RRAGD: variants seen among roughly 807,000 people sequenced by gnomAD.
RRAGD encodes the protein ras-related GTP-binding protein D.
In RRAGD, 12 loss-of-function variants were observed where a neutral mutation model predicts 35.5. That is an observed-to-expected ratio of 0.34 (90% CI 0.22 to 0.55). The LOEUF (loss-of-function observed/expected upper bound fraction) is 0.55. RRAGD is among the 20% of genes least tolerant of loss of function. The pLI is 0.91. For missense variants in RRAGD, 324 were observed against 490.1 expected, an observed-to-expected ratio of 0.66 and a Z score of 3.20; for synonymous variants, 155 against 178.9, an observed-to-expected ratio of 0.87 and a Z score of 1.07.
chr6:89,411,883 G>A lies in RRAGD; in HGVS notation c.111C>T (p.Ser37=). 1.3e-6 allele frequency: 2 copies of A among 1,548,118 alleles called. No individual in the cohort carries two copies. Among genetic ancestry groups the A allele is most frequent in the Non-Finnish European group, 8.7e-7 (1 of 1,149,060 alleles). The stretch of plus-strand genomic sequence containing the variant: ...TGCCGCTGTCCGGATCGGCGTCGGA[G>A]GAGTCGGGCCCGTCTCCGTAGTCCG... ...GLADYGDGPD[S]SDADPDSGTE... Residue 37 remains serine, a synonymous_variant, in exon 1 of 7, where the codon TCC becomes TCT. Transcript: ENST00000369415. This position sits in a 1 kb window ranked among gnomAD's most constrained non-coding sequence, Gnocchi z 5.6.
Position 89,403,699 on chromosome 6 carries a change from A to G in RRAGD, c.148+8147T>C, listed in dbSNP as rs139457158. Among the ~76,000 whole-genome samples the G allele has an allele frequency of 1.3e-3, 196 of 149,226 alleles. 1 individual carries two copies. The highest frequency in any genetic ancestry group is 4.7e-3 in the African/African-American group (191 of 40,306). On this transcript the variant is annotated intron_variant, in intron 1 of 6. Coordinates refer to ENST00000369415, the MANE Select transcript of RRAGD (RefSeq NM_021244.5). Reference sequence around the variant, plus strand: ...AGGCTGGAGCTCAGTGAGTGGCTCAATCATAGCTCACTGCAGCCTCAAACT... The same window carrying G: ...AGGCTGGAGCTCAGTGAGTGGCTCAGTCATAGCTCACTGCAGCCTCAAACT...
intron 1 of RRAGD, among the ~76,000 whole-genome samples, chr6:89,391,882 A>C (rs1341954743): frequency 6.7e-6 from 1 of 150,110 alleles, no homozygotes; most frequent in Non-Finnish European, 1.5e-5. Flanking sequence ...CCTTGAGCCC[A>C]GGAGGTTGAG....
chr6:89,403,549 C>CA (rs1769518926), intron 1 of RRAGD, among the ~76,000 whole-genome samples: 1 of 151,352 alleles, frequency 6.6e-6, no homozygotes. Context: ...TATAAGGCAA[C>CA]AAAGTGTTCT....
chr6:89,406,152 T>C (rs1394293437), intron 1 of RRAGD, among the ~76,000 whole-genome samples: 1 of 152,072 alleles, frequency 6.6e-6, no homozygotes, highest in East Asian at 1.9e-4. Context: ...CATATGAATA[T>C]TTCCTTAACA....
At chr6:89,401,616 C>T (rs1452934411) in intron 1 of RRAGD, among the ~76,000 whole-genome samples, 1 of 151,178 alleles carries the variant, frequency 6.6e-6, no homozygotes, top group East Asian at 1.9e-4. Flanking sequence ...ATGCCTGTTT[C>T]ATCTTCTCCA....
Position 89,412,007 on chromosome 6 carries a change from C to T in RRAGD, c.-14G>A. 6.6e-7 allele frequency: 1 copy of T among 1,523,870 alleles called. No homozygotes were observed. The highest frequency in any genetic ancestry group is 8.8e-7 in the Non-Finnish European group (1 of 1,140,686). The allele number at this position is 1,523,870 out of a possible 1,614,324, so 94.4% of individuals were successfully genotyped here. On this transcript the variant is annotated 5_prime_UTR_variant, in exon 1 of 7. Coordinates refer to ENST00000369415, the MANE Select transcript of RRAGD (RefSeq NM_021244.5). This position sits in a 1 kb window ranked among gnomAD's most constrained non-coding sequence, Gnocchi z 4.2. ...CACCTGGCTCATCGTGCCCACCGGC[C>T]GGCCGGCCCGGGGACGGCGGGGGTC...
At chr6:89,409,376 G>T (rs1179968819) in intron 1 of RRAGD, among the ~76,000 whole-genome samples, 1 of 152,174 alleles carries the variant, frequency 6.6e-6, no homozygotes, top group Non-Finnish European at 1.5e-5. Flanking sequence ...TCCACTAAGT[G>T]CAGGCACTAA....
intron 2 of RRAGD, among the ~76,000 whole-genome samples, chr6:89,385,739 C>G (rs937468023): frequency 2.0e-5 from 3 of 152,146 alleles, no homozygotes; most frequent in Non-Finnish European, 2.9e-5. Context: ...CTCCACACCC[C>G]TACCAAAAAG....
At chr6:89,396,235 AAGAC>A (rs1412983952) in intron 1 of RRAGD, among the ~76,000 whole-genome samples, 1 of 152,136 alleles carries the variant, frequency 6.6e-6, no homozygotes, top group African/African-American at 2.4e-5. Context: ...TGGGACTTAA[AAGAC>A]AGCAGCAACT....
At chr6:89,403,795 C>G (rs112746111) in intron 1 of RRAGD, among the ~76,000 whole-genome samples, 6,848 of 151,878 alleles carry the variant, frequency 0.045, 242 homozygotes, top group Non-Finnish European at 0.069. Context: ...CCACCTCCAC[C>G]ACACCTAGCT....
chr6:89,391,828 G>A lies in RRAGD; in HGVS notation c.149-4238C>T, dbSNP rs539739116. Among the ~76,000 whole-genome samples, 35 of 151,794 alleles carry A rather than the reference G, an allele frequency of 2.3e-4. No homozygotes were observed. In the South Asian group the frequency reaches 6.5e-3, roughly 28 times the overall value. On this transcript the variant is annotated intron_variant, in intron 1 of 6. Coordinates refer to ENST00000369415, the MANE Select transcript of RRAGD (RefSeq NM_021244.5). ...AAAAATTAGCCAGGTGTGGTGGCAC[G>A]CACCTGTAGTCCCAGCTACTCTAAG... is the stretch of plus-strand genomic sequence containing the variant.
rs77583630 is a variant in RRAGD, at chr6:89,392,047, T to C, written c.149-4457A>G. On this transcript the variant is annotated intron_variant, in intron 1 of 6. Coordinates refer to ENST00000369415, the MANE Select transcript of RRAGD (RefSeq NM_021244.5). The stretch of plus-strand genomic sequence containing the variant: ...TACTAAAATCCATTGAGCTCTGTAC[T>C]TTAAAAGAGCAAATACTATGGTATA... Among the ~76,000 whole-genome samples, 15 of 152,250 alleles carry C rather than the reference T, an allele frequency of 9.9e-5. No homozygotes were observed. In the East Asian group the frequency reaches 2.9e-3, roughly 29 times the overall value.
intron 1 of RRAGD, among the ~76,000 whole-genome samples, chr6:89,408,433 T>G (rs1467831161): frequency 6.6e-6 from 1 of 152,184 alleles, no homozygotes; most frequent in Non-Finnish European, 1.5e-5. Flanking sequence ...GCAGGAAGAT[T>G]GCTTGAGCCC....
chr6:89,372,555 A>G lies in RRAGD; in HGVS notation c.933T>C (p.Tyr311=). Residue 311 remains tyrosine, a synonymous_variant, in exon 6 of 7, where the codon TAT becomes TAC. Coordinates refer to ENST00000369415, the MANE Select transcript of RRAGD (RefSeq NM_021244.5). The stretch of plus-strand genomic sequence containing the variant: ...TTATGATGGCTGTGGATTCCTTGTC[A>G]TAGGGGGTTCCTGCTCCATCTTCTT... ...GLKEDGAGTP[Y]DKESTAIIKL... The G allele has an allele frequency of 6.4e-7, 1 of 1,569,662 alleles. No individual in the cohort carries two copies. The highest frequency in any genetic ancestry group is 8.6e-7 in the Non-Finnish European group (1 of 1,161,806).
intron 1 of RRAGD, among the ~76,000 whole-genome samples, chr6:89,391,366 C>T (rs1769229637): frequency 6.8e-6 from 1 of 146,880 alleles, no homozygotes. Flanking sequence ...GTTTGGGTGA[C>T]AGAGTGAGAC....
chr6:89,399,934 C>T (rs1769425103), intron 1 of RRAGD, among the ~76,000 whole-genome samples: 1 of 152,030 alleles, frequency 6.6e-6, no homozygotes, highest in African/African-American at 2.4e-5. Flanking sequence ...ACTTCACCGG[C>T]CCAGTGAGGG....
At chr6:89,407,238 G>C (rs904616021) in intron 1 of RRAGD, among the ~76,000 whole-genome samples, 1 of 152,130 alleles carries the variant, frequency 6.6e-6, no homozygotes, top group Non-Finnish European at 1.5e-5. Context: ...GCAGAACCAG[G>C]AAAGGCCATC....
At chr6:89,395,690 T>C (rs569293083) in intron 1 of RRAGD, among the ~76,000 whole-genome samples, 11 of 152,330 alleles carry the variant, frequency 7.2e-5, no homozygotes, top group South Asian at 2.1e-4. Flanking sequence ...AATAAATATG[T>C]GGGTTAATGG....
chr6:89,393,842 A>C (rs1037502918), intron 1 of RRAGD, among the ~76,000 whole-genome samples: 3 of 152,254 alleles, frequency 2.0e-5, no homozygotes, highest in Non-Finnish European at 2.9e-5. Flanking sequence ...TCATGAAACA[A>C]GAACAGACAG....
Sources: gnomAD v4.1 joint callset for allele counts (sites outside exome capture counted in the v4.1 genomes callset) on GRCh38, gnomAD v4.1.1 for gene constraint, Gnocchi (gnomAD v3.1) non-coding constraint, MANE v1.5 for transcripts, NCBI Gene and HGNC (gene_info 2026-07-23, HGNC 2026-07-21) for gene names.